DYNC2I1: variants seen among roughly 807,000 people sequenced by gnomAD.
The protein encoded by DYNC2I1 is cytoplasmic dynein 2 intermediate chain 1.
In DYNC2I1, 89 loss-of-function variants were observed where a neutral mutation model predicts 133.4. The ratio of observed to expected loss-of-function variants is 0.67; its 90% CI spans 0.56 to 0.80. DYNC2I1 has a LOEUF of 0.80. Among genes scored for constraint, DYNC2I1 ranks in the 30% least tolerant of loss-of-function variants. The pLI is 0.00. For missense variants in DYNC2I1, 1,291 were observed against 1,314.5 expected, an observed-to-expected ratio of 0.98 and a Z score of 0.28; for synonymous variants, 504 against 484.3, an observed-to-expected ratio of 1.04 and a Z score of -0.54.
chr7:158,877,584 G>A (rs996222259), intron 4 of DYNC2I1, among the ~76,000 whole-genome samples: 3 of 152,162 alleles, frequency 2.0e-5, no homozygotes, highest in African/African-American at 7.2e-5. Context: ...CATCATCTTC[G>A]TTTAAAAGTT....
chr7:158,923,266 T>A (rs975729849), intron 16 of DYNC2I1, among the ~76,000 whole-genome samples: 1 of 152,212 alleles, frequency 6.6e-6, no homozygotes, highest in African/African-American at 2.4e-5. Context: ...CTTCTGAGGT[T>A]CAGCCGATTG....
At chr7:158,943,484 A>G (rs1208591675) in intron 24 of DYNC2I1, among the ~76,000 whole-genome samples, 2 of 152,168 alleles carry the variant, frequency 1.3e-5, no homozygotes, top group East Asian at 3.9e-4. Context: ...AGCGTGGGTC[A>G]GGGCCGAGGG....
chr7:158,926,350 AT>A (rs766696529), intron 18 of DYNC2I1, 50 bp downstream of exon 18: 8 of 1,601,982 alleles, frequency 5.0e-6, no homozygotes, highest in African/African-American at 4.0e-5. Context: ...GTTGTGAAAT[AT>A]GGTTTCCTTA....
At position 158,876,698 on chromosome 7, in the gene DYNC2I1, G is replaced by A. The variant is rs1270872198; in HGVS notation, c.573+7G>A. Reference sequence around the variant, plus strand: ...AAGATACCGAGAAAGAAAGGTATACGAAGCAAGGCCTGGGGAAAAGTTTTC... The same window carrying A: ...AAGATACCGAGAAAGAAAGGTATACAAAGCAAGGCCTGGGGAAAAGTTTTC... On this transcript the variant is annotated splice_region_variant and intron_variant, in intron 4 of 24. Transcript: ENST00000407559. 5 of 1,555,648 alleles carry A rather than the reference G, an allele frequency of 3.2e-6. No individual in the cohort carries two copies. Among genetic ancestry groups the A allele is most frequent in the South Asian group, 2.5e-5 (2 of 80,300 alleles).
intron 11 of DYNC2I1, among the ~76,000 whole-genome samples, chr7:158,907,587 C>T (rs1448385172): frequency 6.6e-6 from 1 of 151,568 alleles, no homozygotes. Context: ...CTTTCCGTTC[C>T]CTTTCCTTTC....
In DYNC2I1 at chr7:158,945,616, A is replaced by G; in HGVS notation, c.3038A>G (p.Lys1013Arg). 6.2e-7 allele frequency: 1 copy of G among 1,610,106 alleles called. No homozygotes were observed. The highest frequency in any genetic ancestry group is 8.5e-7 in the Non-Finnish European group (1 of 1,178,558). Reference sequence around the variant, plus strand: ...ATGGCTGCGGTGGGTGAGCCTGAGAAGGCTGGTGGCAGCTTCCTGGCCCTG... The same window carrying G: ...ATGGCTGCGGTGGGTGAGCCTGAGAGGGCTGGTGGCAGCTTCCTGGCCCTG... ...VAMAAVGEPE[K>R]AGGSFLALVL... Residue 1013 changes from lysine to arginine, a missense_variant, in exon 25 of 25, where the codon AAG becomes AGG. Transcript: ENST00000407559. The surrounding 1 kb of genome is among the most constrained non-coding windows in gnomAD (Gnocchi z 4.1).
intron 8 of DYNC2I1, among the ~76,000 whole-genome samples, chr7:158,892,615 A>ATT (rs139356956): frequency 2.7e-5 from 4 of 148,152 alleles, no homozygotes; most frequent in African/African-American, 5.0e-5. Flanking sequence ...CTAAGACTTT[A>ATT]TTTTTTTTTT....
At chr7:158,839,676 A>C in the DYNC2I1 span, among the ~76,000 whole-genome samples, 13 of 151,888 alleles carry the variant, frequency 8.6e-5, no homozygotes, top group Non-Finnish European at 1.8e-4. Context: ...AAAAATTAGC[A>C]GGGCGTGGTG....
chr7:158,857,569 C>A (rs1841406844), intron 1 of DYNC2I1, among the ~76,000 whole-genome samples: 1 of 131,592 alleles, frequency 7.6e-6, no homozygotes, highest in South Asian at 2.5e-4. Flanking sequence ...GATGGAGTCT[C>A]ACTCTGTCAC....
At chr7:158,840,100 C>T in the DYNC2I1 span, among the ~76,000 whole-genome samples, 2 of 152,132 alleles carry the variant, frequency 1.3e-5, no homozygotes, top group Non-Finnish European at 2.9e-5. Flanking sequence ...CAGGTGTGAG[C>T]CACTTCACCC....
chr7:158,885,001 T>C (rs1475734445), intron 6 of DYNC2I1, among the ~76,000 whole-genome samples: 1 of 152,202 alleles, frequency 6.6e-6, no homozygotes, highest in East Asian at 1.9e-4. Flanking sequence ...TCACTTAATG[T>C]GCAAGAGGGA....
intron 6 of DYNC2I1, among the ~76,000 whole-genome samples, chr7:158,885,652 T>C (rs1227274149): frequency 1.3e-5 from 2 of 152,164 alleles, no homozygotes; most frequent in African/African-American, 4.8e-5. Flanking sequence ...TAAACTCTCA[T>C]ATGTAAGCCC....
At position 158,902,606 on chromosome 7, in the gene DYNC2I1, C is replaced by G. The variant is rs201588197; in HGVS notation, c.1357+11C>G. ...AGGAGCCCAGGACAGGTAAACAAATCAATGCTACTAATGGTGTCCGTGCTC... is the reference window on the plus strand; with the variant it reads ...AGGAGCCCAGGACAGGTAAACAAATGAATGCTACTAATGGTGTCCGTGCTC... On this transcript the variant is annotated intron_variant, in intron 10 of 24. Transcript: ENST00000407559. 3 of 1,611,348 alleles carry G rather than the reference C, an allele frequency of 1.9e-6. No homozygotes were observed. The highest frequency in any genetic ancestry group is 1.7e-6 in the Non-Finnish European group (2 of 1,178,446).
intron 11 of DYNC2I1, among the ~76,000 whole-genome samples, chr7:158,910,260 G>A (rs1320594235): frequency 3.9e-5 from 6 of 152,224 alleles, no homozygotes; most frequent in African/African-American, 1.4e-4. Flanking sequence ...GCGGCGTTTC[G>A]GGGCCTGTGG....
chr7:158,943,328 G>T (rs1167616138), intron 24 of DYNC2I1, among the ~76,000 whole-genome samples: 1 of 152,158 alleles, frequency 6.6e-6, no homozygotes, highest in Non-Finnish European at 1.5e-5. Flanking sequence ...ACCCAGCACC[G>T]ACTGTGTGCC....
In DYNC2I1 at chr7:158,902,548, T is replaced by G; in HGVS notation, c.1310T>G (p.Leu437Arg). The part of the protein sequence containing the change: ...NERIGELSLK[L>R]FQKRGRTEFE... ...AGGATTGGCGAGTTATCTTTGAAAC[T>G]GTTTCAGAAGCGAGGTAGAACAGAA... The change falls in exon 10 of 25, where the codon CTG (leucine) becomes CGG (arginine). Residue 437 changes from leucine (L) to arginine (R), a missense_variant. Coordinates refer to ENST00000407559, the MANE Select transcript of DYNC2I1 (RefSeq NM_018051.5). 1 of 1,614,028 alleles carries G rather than the reference T, an allele frequency of 6.2e-7. No homozygotes were observed. Among genetic ancestry groups the G allele is most frequent in the Non-Finnish European group, 8.5e-7 (1 of 1,179,890 alleles).
chr7:158,900,374 G>A (rs1364272660), intron 8 of DYNC2I1, among the ~76,000 whole-genome samples: 3 of 152,046 alleles, frequency 2.0e-5, no homozygotes, highest in Admixed American at 6.6e-5. Context: ...CACCTGCCTC[G>A]GCCTCCCAAA....
At chr7:158,881,933 C>T (rs1210813593) in intron 5 of DYNC2I1, among the ~76,000 whole-genome samples, 1 of 152,196 alleles carries the variant, frequency 6.6e-6, no homozygotes, top group African/African-American at 2.4e-5. Context: ...TCTCCATTCC[C>T]TAGATCATGT....
intron 20 of DYNC2I1, among the ~76,000 whole-genome samples, chr7:158,927,811 C>T (rs1413298699): frequency 6.6e-6 from 1 of 152,190 alleles, no homozygotes. Flanking sequence ...CTCAGCCTCC[C>T]ATAGTGCTGG....
Sources: gnomAD v4.1 joint callset for allele counts (sites outside exome capture counted in the v4.1 genomes callset) on GRCh38, gnomAD v4.1.1 for gene constraint, Gnocchi (gnomAD v3.1) non-coding constraint, MANE v1.5 for transcripts, NCBI Gene and HGNC (gene_info 2026-07-23, HGNC 2026-07-21) for gene names.